RIMS1: variants seen among roughly 807,000 people sequenced by gnomAD.
The protein encoded by RIMS1 is regulating synaptic membrane exocytosis protein 1.
In RIMS1, 83 loss-of-function variants were observed where a neutral mutation model predicts 214.1. The observed-to-expected ratio is 0.39, with a 90% confidence interval of 0.32 to 0.47. RIMS1 has a LOEUF of 0.47. RIMS1 is among the 20% of genes least tolerant of loss of function. The probability of loss-of-function intolerance (pLI) is 0.99; values close to 1 mark genes in which losing one functional copy is unlikely to be tolerated. For missense variants in RIMS1, 2,050 were observed against 2,161.8 expected (o/e 0.95, Z 1.03); for synonymous variants, 793 against 786.8 (o/e 1.01, Z -0.13).
chr6:72,159,422 T>G lies in RIMS1; in HGVS notation c.472-20153T>G, dbSNP rs569687469. On this transcript the variant is annotated intron_variant, in intron 4 of 33. Coordinates refer to ENST00000521978, the MANE Select transcript of RIMS1 (RefSeq NM_014989.7). ...GATCCCATTTGTCAATTTTGGCTTT[T>G]GTTGCCATTGCTTTTGGTGTTTTAG... 9.6e-4 allele frequency among the ~76,000 whole-genome samples: 136 copies of G among 141,286 alleles called. 12 individuals are homozygous for G. The highest frequency in any genetic ancestry group is 3.5e-3 in the Middle Eastern group (1 of 282). The allele number at this position is 141,286 out of a possible 152,430, so 92.7% of individuals were successfully genotyped here.
At chr6:72,109,028 A>T (rs1587165671) in intron 4 of RIMS1, among the ~76,000 whole-genome samples, 1 of 151,836 alleles carries the variant, frequency 6.6e-6, no homozygotes, top group Non-Finnish European at 1.5e-5. Context: ...AAGGACATGA[A>T]CTCATCATTT....
intron 1 of RIMS1, among the ~76,000 whole-genome samples, chr6:71,941,260 A>G (rs1786034073): frequency 6.6e-6 from 1 of 152,094 alleles, no homozygotes; most frequent in African/African-American, 2.4e-5. Flanking sequence ...ACTAAGAGAA[A>G]GAAAATAAAA....
chr6:72,124,514 A>G (rs1268992666), intron 4 of RIMS1, among the ~76,000 whole-genome samples: 1 of 151,766 alleles, frequency 6.6e-6, no homozygotes, highest in Non-Finnish European at 1.5e-5. Flanking sequence ...CTGAAGTTGA[A>G]TGTTGGCCAG....
At chr6:72,198,400 A>G (rs2051356009) in intron 6 of RIMS1, among the ~76,000 whole-genome samples, 1 of 152,090 alleles carries the variant, frequency 6.6e-6, no homozygotes, top group Non-Finnish European at 1.5e-5. Context: ...AGTCAGGCAA[A>G]GAAAGCAAAC....
chr6:72,105,883 G>C (rs1414221469), intron 4 of RIMS1, among the ~76,000 whole-genome samples: 1 of 152,082 alleles, frequency 6.6e-6, no homozygotes, highest in East Asian at 1.9e-4. Context: ...AGGTCTACTA[G>C]ACTATGACTA....
Position 72,258,201 on chromosome 6 carries a change from C to G in RIMS1, c.2847C>G (p.His949Gln). Residue 949 changes from histidine (H) to glutamine (Q), a missense_variant, in exon 17 of 34, where the codon CAC becomes CAG. By Grantham distance (24) the His-to-Gln change is conservative (BLOSUM62 0). Around this residue, in one of 6 missense-constraint regions of RIMS1, gnomAD observed 889 missense variants for 885.5 expected, o/e 1.00. Coordinates refer to ENST00000521978, the MANE Select transcript of RIMS1 (RefSeq NM_014989.7). ...CAGAACAGCAAAGAACAACTCATCACCGCTCACGTTCAGTATCTCCTCATC... is the reference window on the plus strand; with the variant it reads ...CAGAACAGCAAAGAACAACTCATCAGCGCTCACGTTCAGTATCTCCTCATC... The part of the protein sequence containing the change: ...TVPEQQRTTH[H>Q]RSRSVSPHRG... The G allele has an allele frequency of 6.2e-7, 1 of 1,613,358 alleles. No individual in the cohort carries two copies. Among genetic ancestry groups the G allele is most frequent in the Non-Finnish European group, 8.5e-7 (1 of 1,179,560 alleles).
chr6:72,262,769 A>G (rs2078626645), intron 19 of RIMS1: 3 of 741,060 alleles, frequency 4.0e-6, no homozygotes, highest in Non-Finnish European at 4.9e-6. Context: ...TATTATTTCT[A>G]TAACTATCCA....
chr6:72,156,467 T>C (rs2044456682), intron 4 of RIMS1, among the ~76,000 whole-genome samples: 1 of 140,150 alleles, frequency 7.1e-6, no homozygotes, highest in Admixed American at 7.3e-5. Flanking sequence ...AGGCAGGGCC[T>C]GGGGGATGAA....
intron 16 of RIMS1, among the ~76,000 whole-genome samples, chr6:72,253,718 G>T (rs1271851052): frequency 6.6e-6 from 1 of 152,074 alleles, no homozygotes; most frequent in Admixed American, 6.5e-5. Context: ...TGAGGGCAAT[G>T]GTTTTGCTCA....
chr6:71,909,773 T>C (rs577788273), intron 1 of RIMS1, among the ~76,000 whole-genome samples: 11 of 152,262 alleles, frequency 7.2e-5, no homozygotes, highest in African/African-American at 2.6e-4. Context: ...TTGATAATGC[T>C]GATAATAAAA....
intron 19 of RIMS1, chr6:72,263,276 A>T (rs1591123300): frequency 2.0e-6 from 2 of 985,120 alleles, no homozygotes; most frequent in African/African-American, 3.5e-5. Flanking sequence ...ACCTTTTTTT[A>T]GTAAAACGTG....
intron 28 of RIMS1, among the ~76,000 whole-genome samples, chr6:72,323,479 G>A (rs1362114300): frequency 3.3e-5 from 5 of 151,712 alleles, no homozygotes; most frequent in African/African-American, 1.2e-4. Context: ...TGGGTTTAAT[G>A]ACATATGAGA....
chr6:72,076,856 G>A (rs914975813), intron 2 of RIMS1, among the ~76,000 whole-genome samples: 1 of 152,086 alleles, frequency 6.6e-6, no homozygotes, highest in African/African-American at 2.4e-5. Flanking sequence ...CCTTGCTTAT[G>A]GTCTGGTTTC....
At chr6:72,340,410 G>T (rs1594352744) in intron 29 of RIMS1, among the ~76,000 whole-genome samples, 2 of 151,690 alleles carry the variant, frequency 1.3e-5, no homozygotes, top group South Asian at 2.1e-4. Context: ...GGGTTTTTAT[G>T]GTTTTAGGTC....
At chr6:72,254,100 A>G (rs972950368) in intron 16 of RIMS1, among the ~76,000 whole-genome samples, 12 of 152,190 alleles carry the variant, frequency 7.9e-5, no homozygotes, top group East Asian at 3.9e-4. Context: ...TCTTGACCTC[A>G]TGATCCGCCC....
At chr6:72,258,103 T>C in intron 16 of RIMS1, 22 bp from the exon 17 acceptor site, 1 of 1,606,664 alleles carries the variant, frequency 6.2e-7, no homozygotes, top group Non-Finnish European at 8.5e-7. Context: ...GACTAAATTT[T>C]TTCTGTGTGT....
chr6:72,260,948 G>A lies in RIMS1; in HGVS notation c.3116+181G>A, dbSNP rs866143357. 106 of 1,407,936 alleles carry A rather than the reference G, an allele frequency of 7.5e-5. 1 individual carries two copies. In the African/African-American group the frequency reaches 1.2e-3, roughly 16 times the overall value. The allele number at this position is 1,407,936 out of a possible 1,614,324, so 87.2% of individuals were successfully genotyped here. The stretch of plus-strand genomic sequence containing the variant: ...AAGGTTCCAAATATATTTCAGTTCC[G>A]ATTCAGGCTGACTGCTTTGCCATCT... On this transcript the variant is annotated intron_variant, in intron 19 of 33. Transcript: ENST00000521978.
intron 2 of RIMS1, among the ~76,000 whole-genome samples, chr6:72,002,253 T>C (rs1171622698): frequency 6.6e-6 from 1 of 151,846 alleles, no homozygotes; most frequent in African/African-American, 2.4e-5. Flanking sequence ...TTGAACTCTG[T>C]CCTGGGAGCA....
intron 2 of RIMS1, among the ~76,000 whole-genome samples, chr6:71,998,106 A>G (rs1804027409): frequency 6.6e-6 from 1 of 152,174 alleles, no homozygotes; most frequent in Non-Finnish European, 1.5e-5. Context: ...GTCTCCTGCC[A>G]CTGCCTTCTC....
Sources: allele counts gnomAD v4.1 joint callset (sites outside exome capture counted in the v4.1 genomes callset), GRCh38; gene constraint gnomAD v4.1.1; regional missense constraint gnomAD v4.1.1; transcripts MANE v1.5; gene names NCBI Gene and HGNC (gene_info 2026-07-23, HGNC 2026-07-21).